Variants in THSD7B observed in about 807,000 individuals in gnomAD.
The protein encoded by THSD7B is thrombospondin type 1 domain containing 7B.
A neutral mutation model predicts 213.6 loss-of-function variants in THSD7B; 138 were observed. That is an observed-to-expected ratio of 0.65 (90% CI 0.56 to 0.74). The LOEUF is 0.74. THSD7B is among the 30% of genes least tolerant of loss of function. The probability of loss-of-function intolerance (pLI) is 0.00; values close to 1 mark genes in which losing one functional copy is unlikely to be tolerated. For missense variants in THSD7B, 1,931 were observed against 1,991.5 expected, an observed-to-expected ratio of 0.97 and a Z score of 0.58; for synonymous variants, 742 against 687.0, an observed-to-expected ratio of 1.08 and a Z score of -1.25.
At chr2:137,085,687 C>G (rs1035055995) in intron 3 of THSD7B, among the ~76,000 whole-genome samples, 1 of 151,760 alleles carries the variant, frequency 6.6e-6, no homozygotes, top group Non-Finnish European at 1.5e-5. Flanking sequence ...CTGTAAAACA[C>G]CATACATGAA....
chr2:137,414,345 C>T (rs1016337808), intron 14 of THSD7B, among the ~76,000 whole-genome samples: 3 of 150,842 alleles, frequency 2.0e-5, no homozygotes, highest in African/African-American at 7.4e-5. Flanking sequence ...ATGACATATA[C>T]TTGTCTATCA....
chr2:137,379,720 A>C (rs1045011525), intron 12 of THSD7B, among the ~76,000 whole-genome samples: 1 of 152,192 alleles, frequency 6.6e-6, no homozygotes, highest in African/African-American at 2.4e-5. Flanking sequence ...TGGTTTGTGA[A>C]GCTCTAGTAT....
At chr2:136,888,102 AAG>A (rs1439325473) in intron 2 of THSD7B, among the ~76,000 whole-genome samples, 11 of 152,294 alleles carry the variant, frequency 7.2e-5, no homozygotes, top group South Asian at 2.1e-4. Context: ...ACATACAAAA[AAG>A]AGGGGATTAT....
chr2:137,401,208 C>G (rs1190906736), intron 12 of THSD7B, among the ~76,000 whole-genome samples: 2 of 152,276 alleles, frequency 1.3e-5, no homozygotes, highest in East Asian at 3.9e-4. Context: ...TTTTTAAACT[C>G]TCTTTCCCCA....
At chr2:136,953,257 T>C (rs1685070633) in intron 2 of THSD7B, among the ~76,000 whole-genome samples, 1 of 152,154 alleles carries the variant, frequency 6.6e-6, no homozygotes, top group Admixed American at 6.6e-5. Context: ...CTTAGACAAA[T>C]TTTGTAGGAA....
At position 137,629,935 on chromosome 2, in the gene THSD7B, C is replaced by G. The variant is rs1054768573; in HGVS notation, c.3799+9209C>G. Among the ~76,000 whole-genome samples the G allele has an allele frequency of 3.3e-5, 5 of 152,192 alleles. No individual in the cohort carries two copies. The East Asian group carries it at 9.6e-4, about 29-fold the overall frequency. On this transcript the variant is annotated intron_variant, in intron 20 of 27. Transcript: ENST00000409968. ...TTCTATTTAAGGTCCCATGTTAAGACCTTCAGACAAAAATATAAAGATGAG... is the reference window on the plus strand; with the variant it reads ...TTCTATTTAAGGTCCCATGTTAAGAGCTTCAGACAAAAATATAAAGATGAG...
chr2:137,092,592 C>T (rs1037828778), intron 3 of THSD7B, among the ~76,000 whole-genome samples: 4 of 151,940 alleles, frequency 2.6e-5, no homozygotes, highest in African/African-American at 9.7e-5. Context: ...ATGATCGCTC[C>T]CCCATTTATG....
intron 2 of THSD7B, among the ~76,000 whole-genome samples, chr2:137,055,100 A>G (rs1032063038): frequency 6.6e-6 from 1 of 152,158 alleles, no homozygotes; most frequent in Non-Finnish European, 1.5e-5. Context: ...GTCCCTGTGA[A>G]GGACATGAAC....
chr2:137,331,902 G>A (rs1024134058), intron 12 of THSD7B, among the ~76,000 whole-genome samples: 8 of 152,244 alleles, frequency 5.3e-5, no homozygotes, highest in East Asian at 3.9e-4. Flanking sequence ...GCTGCTCCAA[G>A]TGCGGGCCCG....
chr2:137,565,969 C>T (rs1681228950), intron 16 of THSD7B, among the ~76,000 whole-genome samples: 1 of 152,150 alleles, frequency 6.6e-6, no homozygotes, highest in Admixed American at 6.6e-5. Flanking sequence ...CATACATACT[C>T]ACAATGCACC....
chr2:137,097,541 G>C (rs1440675101), intron 4 of THSD7B, among the ~76,000 whole-genome samples: 1 of 152,046 alleles, frequency 6.6e-6, no homozygotes, highest in Non-Finnish European at 1.5e-5. Flanking sequence ...GCACAGTAAA[G>C]ATATGCACTA....
chr2:137,372,606 G>T (rs1427805882), intron 12 of THSD7B, among the ~76,000 whole-genome samples: 1 of 151,974 alleles, frequency 6.6e-6, no homozygotes, highest in Non-Finnish European at 1.5e-5. Context: ...TTGATTGAAG[G>T]CATTAAGCTT....
At chr2:137,608,929 A>G (rs998139253) in intron 17 of THSD7B, among the ~76,000 whole-genome samples, 1 of 152,250 alleles carries the variant, frequency 6.6e-6, no homozygotes, top group Non-Finnish European at 1.5e-5. Context: ...TATAGTAAAC[A>G]TTCTTGTGTT....
chr2:137,243,364 C>A (rs2105066231), intron 10 of THSD7B, among the ~76,000 whole-genome samples: 1 of 152,300 alleles, frequency 6.6e-6, no homozygotes, highest in Non-Finnish European at 1.5e-5. Flanking sequence ...CTTACCATTG[C>A]ATGGTTACAA....
intron 16 of THSD7B, among the ~76,000 whole-genome samples, chr2:137,569,438 C>G (rs73958893): frequency 0.24 from 36,486 of 152,152 alleles, 4,580 homozygotes; most frequent in South Asian, 0.35. Flanking sequence ...GTGACCCTCT[C>G]CAGATAGTAA....
At chr2:137,470,038 C>T (rs1260539501) in intron 15 of THSD7B, among the ~76,000 whole-genome samples, 1 of 152,158 alleles carries the variant, frequency 6.6e-6, no homozygotes, top group Non-Finnish European at 1.5e-5. Context: ...TGATTAACTA[C>T]TTTATAGCCC....
intron 24 of THSD7B, among the ~76,000 whole-genome samples, chr2:137,658,932 T>C (rs1176165269): frequency 6.6e-6 from 1 of 152,248 alleles, no homozygotes; most frequent in Admixed American, 6.5e-5. Flanking sequence ...AAATTTTCTC[T>C]AGGCTTTGTC....
At chr2:137,178,130 G>A (rs1252556060) in intron 7 of THSD7B, among the ~76,000 whole-genome samples, 3 of 147,988 alleles carry the variant, frequency 2.0e-5, no homozygotes, top group African/African-American at 7.4e-5. Flanking sequence ...CTTGTTTCCT[G>A]CTGCAGAAGT....
chr2:137,585,989 C>G (rs1385597554), intron 17 of THSD7B, among the ~76,000 whole-genome samples: 3 of 152,122 alleles, frequency 2.0e-5, no homozygotes, highest in African/African-American at 7.2e-5. Flanking sequence ...TTGTAGGTCT[C>G]TAAGGACTTG....
Sources: allele counts gnomAD v4.1 joint callset (sites outside exome capture counted in the v4.1 genomes callset), GRCh38; gene constraint gnomAD v4.1.1; transcripts MANE v1.5; gene names NCBI Gene and HGNC (gene_info 2026-07-23, HGNC 2026-07-21).